ZNF668: variants seen among roughly 807,000 people sequenced by gnomAD.
ZNF668 encodes the protein zinc finger protein 668.
Under a neutral mutation model 40.3 loss-of-function variants are expected in ZNF668, and 10 were observed. The observed-to-expected ratio is 0.25, with a 90% CI of 0.15 to 0.42. The LOEUF is 0.42. ZNF668 is among the 10% of genes least tolerant of loss of function. ZNF668 has a pLI of 1.00. For synonymous variants in ZNF668, 428 were observed against 384.6 expected (o/e 1.11, Z -1.32); for missense variants, 749 against 904.6 (o/e 0.83, Z 2.21).
chr16:31,061,603 C>T lies in ZNF668; in HGVS notation c.1325G>A (p.Ser442Asn). The change falls in exon 3 of 3, where the codon AGT (serine) becomes AAT (asparagine). Residue 442 changes from serine to asparagine, a missense_variant. Ser to Asn is a conservative substitution (Grantham distance 46, BLOSUM62 1). Coordinates refer to ENST00000300849, the MANE Select transcript of ZNF668 (RefSeq NM_024706.5). The surrounding 1 kb of genome is among the most constrained non-coding windows in gnomAD (Gnocchi z 7.7). ...CGCCCCTGCTGCCGGGGCGGCTGAA[C>T]TCTCACCTGCCACGCCCACAGGCAG... ...LALPVGVAGE[S>N]SAAPAAGAGL... 6.2e-7 allele frequency: 1 copy of T among 1,609,804 alleles called. No individual in the cohort carries two copies. Among genetic ancestry groups the T allele is most frequent in the Non-Finnish European group, 8.5e-7 (1 of 1,179,812 alleles).
chr16:31,067,275 G>A lies in ZNF668; in HGVS notation c.-22-2794C>T, dbSNP rs77743874. 5.2e-3 allele frequency among the ~76,000 whole-genome samples: 796 copies of A among 152,210 alleles called. 9 individuals are homozygous for A. The highest frequency in any genetic ancestry group is 0.019 in the African/African-American group (770 of 41,546). The stretch of plus-strand genomic sequence containing the variant: ...GATAGTTCACATTTACTGAGCACTC[G>A]CCAAATACCAGGCAGTATCCTAAAC... On this transcript the variant is annotated intron_variant, in intron 1 of 2. Coordinates refer to ENST00000300849, the MANE Select transcript of ZNF668 (RefSeq NM_024706.5).
intron 1 of ZNF668, among the ~76,000 whole-genome samples, chr16:31,071,287 C>T (rs2057014568): frequency 6.6e-6 from 1 of 152,190 alleles, no homozygotes; most frequent in African/African-American, 2.4e-5. Context: ...CAGCCTCAGC[C>T]TCCCGAGTAG....
chr16:31,070,984 C>T (rs1289022109), intron 1 of ZNF668, among the ~76,000 whole-genome samples: 4 of 151,942 alleles, frequency 2.6e-5, no homozygotes, highest in African/African-American at 9.7e-5. Flanking sequence ...GCCTCAGCCT[C>T]CCAAGTATTT....
chr16:31,061,631 C>T lies in ZNF668; in HGVS notation c.1297G>A (p.Ala433Thr). The T allele has an allele frequency of 1.9e-6, 3 of 1,611,818 alleles. No individual in the cohort carries two copies. The South Asian group carries it at 3.3e-5, about 18-fold the overall frequency. The change falls in exon 3 of 3, where the codon GCG becomes ACG. Residue 433 changes from alanine (A) to threonine (T), a missense_variant. Physicochemically the swap from Ala to Thr is moderately conservative, Grantham distance 58. Coordinates refer to ENST00000300849, the MANE Select transcript of ZNF668 (RefSeq NM_024706.5). This position sits in a 1 kb window ranked among gnomAD's most constrained non-coding sequence, Gnocchi z 7.7. ...TCACCTGCCACGCCCACAGGCAGCGCCAACCCCACCACCAGCTCCTGTGCA... is the reference window on the plus strand; with the variant it reads ...TCACCTGCCACGCCCACAGGCAGCGTCAACCCCACCACCAGCTCCTGTGCA... ...PPAQELVVGL[A>T]LPVGVAGESS...
Position 31,061,130 on chromosome 16 carries a change from T to C in ZNF668, c.1798A>G (p.Thr600Ala). ...HERTHPVPMG[T>A]PTPLEPLVAL... ...ACCAGGGGCTCCAGGGGTGTGGGGG[T>C]CCCCATGGGCACAGGGTGGGTGCGT... Residue 600 changes from threonine (T) to alanine (A), a missense_variant, in exon 3 of 3, where the codon ACC becomes GCC. Thr to Ala is a moderately conservative substitution (Grantham distance 58, BLOSUM62 0). Transcript: ENST00000300849. This position sits in a 1 kb window ranked among gnomAD's most constrained non-coding sequence, Gnocchi z 7.7. 2 of 1,506,444 alleles carry C rather than the reference T, an allele frequency of 1.3e-6. No individual in the cohort carries two copies. The highest frequency in any genetic ancestry group is 1.8e-6 in the Non-Finnish European group (2 of 1,129,206). The allele number at this position is 1,506,444 out of a possible 1,614,324, so 93.3% of individuals were successfully genotyped here.
intron 1 of ZNF668, chr16:31,065,894 C>T (rs921783136): frequency 3.3e-6 from 1 of 303,268 alleles, no homozygotes; most frequent in Non-Finnish European, 4.8e-6. Flanking sequence ...CATCTGGACA[C>T]GTTAGGGGTT....
chr16:31,061,629 C>G lies in ZNF668; in HGVS notation c.1299G>C (p.Ala433=). 1 of 1,611,380 alleles carries G rather than the reference C, an allele frequency of 6.2e-7. No homozygotes were observed. The highest frequency in any genetic ancestry group is 8.5e-7 in the Non-Finnish European group (1 of 1,179,892). The change falls in exon 3 of 3, where the codon GCG becomes GCC. Residue 433 remains alanine (A), a synonymous_variant. Coordinates refer to ENST00000300849, the MANE Select transcript of ZNF668 (RefSeq NM_024706.5). The surrounding 1 kb of genome is among the most constrained non-coding windows in gnomAD (Gnocchi z 7.7). ...PPAQELVVGL[A]LPVGVAGESS... is the part of the protein sequence containing the mutation. ...TCTCACCTGCCACGCCCACAGGCAGCGCCAACCCCACCACCAGCTCCTGTG... is the reference window on the plus strand; with the variant it reads ...TCTCACCTGCCACGCCCACAGGCAGGGCCAACCCCACCACCAGCTCCTGTG...
Position 31,069,430 on chromosome 16 carries a change from C to A in ZNF668, c.-23+4229G>T, listed in dbSNP as rs557030274. ...AGGGCAGTGGCACTAGCAGTTCCCT[C>A]TGTCTGAGCCACTCTTCTCCCACGA... On this transcript the variant is annotated intron_variant, in intron 1 of 2. Transcript: ENST00000300849. 9.2e-5 allele frequency among the ~76,000 whole-genome samples: 14 copies of A among 152,262 alleles called. No individual in the cohort carries two copies. The South Asian group carries it at 2.7e-3, about 29-fold the overall frequency.
At chr16:31,072,327 C>A (rs777927704) in intron 1 of ZNF668, among the ~76,000 whole-genome samples, 27 of 152,194 alleles carry the variant, frequency 1.8e-4, no homozygotes, top group Non-Finnish European at 2.9e-4. Flanking sequence ...GTAGCCTCTG[C>A]CTCCTCCACA....
At chr16:31,065,862 A>AAT (rs1024639237) in intron 1 of ZNF668, among the ~76,000 whole-genome samples, 7 of 151,896 alleles carry the variant, frequency 4.6e-5, no homozygotes, top group South Asian at 2.1e-4. Context: ...TCAAAAAAAA[A>AAT]AAAATAAAAA....
intron 1 of ZNF668, chr16:31,065,111 T>G: frequency 9.9e-7 from 1 of 1,013,634 alleles, no homozygotes; most frequent in Non-Finnish European, 1.2e-6. Context: ...CTCTGGAATC[T>G]TGTTGGCCTG....
At chr16:31,067,710 A>G (rs551501907) in intron 1 of ZNF668, among the ~76,000 whole-genome samples, 19 of 152,262 alleles carry the variant, frequency 1.2e-4, no homozygotes, top group South Asian at 2.1e-4. Context: ...TCTTGTCCCT[A>G]CTTTACAGAG....
At position 31,060,882 on chromosome 16, in the gene ZNF668, C is replaced by T. The variant is rs2056914984; in HGVS notation, c.*186G>A. On this transcript the variant is annotated 3_prime_UTR_variant, in exon 3 of 3. Coordinates refer to ENST00000300849, the MANE Select transcript of ZNF668 (RefSeq NM_024706.5). ...ATGAAAGCTTTAATGAGTGTTACTC[C>T]TAGACAGTCACGTCTCAGCTTCTGC... 1.1e-5 allele frequency: 7 copies of T among 623,262 alleles called. No individual in the cohort carries two copies. The South Asian group carries it at 3.8e-4, about 34-fold the overall frequency. The allele number at this position is 623,262 out of a possible 1,614,324, so 38.6% of individuals were successfully genotyped here.
At chr16:31,067,659 T>G (rs944239136) in intron 1 of ZNF668, among the ~76,000 whole-genome samples, 1 of 152,174 alleles carries the variant, frequency 6.6e-6, no homozygotes, top group African/African-American at 2.4e-5. Flanking sequence ...GGTGTGCTGG[T>G]TTATTTAATT....
rs751210048 is a variant in ZNF668, at chr16:31,061,490, T to C, written c.1438A>G (p.Thr480Ala). The C allele has an allele frequency of 3.1e-6, 5 of 1,613,132 alleles. No homozygotes were observed. In the South Asian group the frequency reaches 5.5e-5, roughly 18 times the overall value. ...TCTTGGCATTCCACATGCTCCACCG[T>C]CATGCCCACCACCTGCCACTGTGTG... is the stretch of plus-strand genomic sequence containing the variant. The part of the protein sequence containing the change: ...MATQWQVVGM[T>A]VEHVECQDAG... The change falls in exon 3 of 3, where the codon ACG (threonine) becomes GCG (alanine). Residue 480 changes from threonine to alanine, a missense_variant. Around this residue, in one of 4 missense-constraint regions of ZNF668, gnomAD observed 310 missense variants for 355.1 expected, o/e 0.87. Transcript: ENST00000300849. The surrounding 1 kb of genome is among the most constrained non-coding windows in gnomAD (Gnocchi z 7.7).
intron 1 of ZNF668, 197 bp from the exon 2 acceptor site, chr16:31,064,678 C>T: frequency 6.5e-7 from 1 of 1,536,092 alleles, no homozygotes; most frequent in Non-Finnish European, 8.7e-7. Context: ...CAAGTGTCCG[C>T]AGAGCCACTA....
At chr16:31,069,859 C>T (rs2057003019) in intron 1 of ZNF668, among the ~76,000 whole-genome samples, 1 of 134,962 alleles carries the variant, frequency 7.4e-6, no homozygotes, top group Admixed American at 7.5e-5. Flanking sequence ...ACTGCAAGCT[C>T]CGCCTCCCGG....
intron 1 of ZNF668, among the ~76,000 whole-genome samples, chr16:31,070,207 C>T (rs939553005): frequency 6.6e-6 from 1 of 151,550 alleles, no homozygotes; most frequent in East Asian, 2.0e-4. Flanking sequence ...TGTGAGCCAC[C>T]GCGCCCGGCC....
chr16:31,065,292 C>T (rs1438570619), intron 1 of ZNF668, among the ~76,000 whole-genome samples: 4 of 152,232 alleles, frequency 2.6e-5, no homozygotes, highest in Non-Finnish European at 5.9e-5. Context: ...CGCCCTCCAC[C>T]CAGCTGCTCC....
Sources: allele counts gnomAD v4.1 joint callset (sites outside exome capture counted in the v4.1 genomes callset), GRCh38; gene constraint gnomAD v4.1.1; regional missense constraint gnomAD v4.1.1; non-coding constraint Gnocchi (gnomAD v3.1); transcripts MANE v1.5; gene names NCBI Gene and HGNC (gene_info 2026-07-23, HGNC 2026-07-21).